ABCA1: variants seen among roughly 807,000 people sequenced by gnomAD.
ABCA1 encodes the protein phospholipid-transporting ATPase ABCA1.
A neutral mutation model predicts 262.5 loss-of-function variants in ABCA1; 133 were observed. The observed-to-expected ratio is 0.51, with a 90% CI of 0.44 to 0.59. ABCA1 has a LOEUF of 0.59. Among genes scored for constraint, ABCA1 ranks in the 20% least tolerant of loss-of-function variants. The pLI is 0.00. For synonymous variants in ABCA1, 1,022 were observed against 1,043.5 expected, an observed-to-expected ratio of 0.98 and a Z score of 0.40; for missense variants, 2,452 against 2,777.5, an observed-to-expected ratio of 0.88 and a Z score of 2.63.
rs967226921 is a variant in ABCA1 at position 104,829,214 on chromosome 9, C to A, written c.1893-76G>T. ...AGGGTGATGGGCCAAGGCCTCTGAG[C>A]CTGCATGCTAGAGGGAGCACCACAT... is the stretch of plus-strand genomic sequence containing the variant. On this transcript the variant is annotated intron_variant, in intron 14 of 49. Coordinates refer to ENST00000374736, the MANE Select transcript of ABCA1 (RefSeq NM_005502.4). 4 of 1,461,486 alleles carry A rather than the reference C, an allele frequency of 2.7e-6. No individual in the cohort carries two copies. In the African/African-American group the frequency reaches 4.2e-5, roughly 15 times the overall value. 90.5% of individuals were successfully genotyped at this position (1,461,486 alleles called of 1,614,324 possible).
chr9:104,862,547 TCTC>T (rs1836515370), intron 5 of ABCA1, among the ~76,000 whole-genome samples: 1 of 151,752 alleles, frequency 6.6e-6, no homozygotes, highest in South Asian at 2.1e-4. Flanking sequence ...CAGAGACTAA[TCTC>T]CTGTTTAATG....
intron 37 of ABCA1, among the ~76,000 whole-genome samples, chr9:104,797,007 T>A (rs1365911491): frequency 1.3e-5 from 2 of 152,228 alleles, no homozygotes; most frequent in East Asian, 3.8e-4. Flanking sequence ...GAAGTGATAG[T>A]GGGGCTTGTC....
At chr9:104,874,471 A>G (rs1252201200) in intron 5 of ABCA1, among the ~76,000 whole-genome samples, 1 of 152,076 alleles carries the variant, frequency 6.6e-6, no homozygotes, top group Non-Finnish European at 1.5e-5. Context: ...AGGCTGAGGC[A>G]GGAAGAATTG....
chr9:104,918,347 A>G (rs1841958652), intron 1 of ABCA1, among the ~76,000 whole-genome samples: 1 of 152,214 alleles, frequency 6.6e-6, no homozygotes, highest in Admixed American at 6.5e-5. Context: ...CAGTCTGGTG[A>G]GAAAACCAGC....
intron 2 of ABCA1, among the ~76,000 whole-genome samples, chr9:104,900,955 CT>C (rs1274890827): frequency 6.6e-6 from 1 of 152,216 alleles, no homozygotes; most frequent in Non-Finnish European, 1.5e-5. Context: ...CCACTTCCTT[CT>C]TTAAAAAGAA....
intron 14 of ABCA1, 143 bp from the exon 15 acceptor site, chr9:104,829,281 C>G (rs933446637): frequency 2.5e-6 from 2 of 786,582 alleles, no homozygotes; most frequent in Non-Finnish European, 4.2e-6. Context: ...CTGAAATGTA[C>G]GTATGATCCA....
chr9:104,914,213 C>G (rs1318272718), intron 1 of ABCA1, among the ~76,000 whole-genome samples: 1 of 151,784 alleles, frequency 6.6e-6, no homozygotes, highest in Non-Finnish European at 1.5e-5. Context: ...CGCAGTGGCT[C>G]ATGCCTGTAA....
chr9:104,794,327 C>T (rs1829682588), intron 40 of ABCA1, 60 bp downstream of exon 40: 1 of 1,612,312 alleles, frequency 6.2e-7, no homozygotes, highest in Non-Finnish European at 8.5e-7. Context: ...GTTCAGGGTA[C>T]CAAGGCCTAT....
intron 44 of ABCA1, among the ~76,000 whole-genome samples, chr9:104,789,866 G>C (rs1829262401): frequency 6.6e-6 from 1 of 152,192 alleles, no homozygotes; most frequent in African/African-American, 2.4e-5. Context: ...GGCTGAGGCA[G>C]GTGGATCACC....
rs1252516293 is a variant in ABCA1 at position 104,784,344 on chromosome 9, C to T, written c.6757G>A (p.Asp2253Asn). ...DVAVLTSFLQ[D>N]EKVKESYV The stretch of plus-strand genomic sequence containing the variant: ...ACATAGCTTTCTTTCACTTTCTCAT[C>T]CTGTAGAAAAGATGTGAGAACTGCA... The change falls in exon 50 of 50, where the codon GAT (aspartate) becomes AAT (asparagine). Residue 2253 changes from aspartate (D) to asparagine (N), a missense_variant. Around this residue, in one of 4 missense-constraint regions of ABCA1, gnomAD observed 752 missense variants for 944.5 expected, o/e 0.80. Transcript: ENST00000374736. The T allele has an allele frequency of 6.2e-7, 1 of 1,614,082 alleles. No homozygotes were observed. The highest frequency in any genetic ancestry group is 1.7e-5 in the Admixed American group (1 of 60,022).
At position 104,832,382 on chromosome 9, in the gene ABCA1, T is replaced by A. The variant is rs143565976; in HGVS notation, c.1509+192A>T. On this transcript the variant is annotated intron_variant, in intron 12 of 49. Coordinates refer to ENST00000374736, the MANE Select transcript of ABCA1 (RefSeq NM_005502.4). The stretch of plus-strand genomic sequence containing the variant: ...TAATTTACTAAAGCTAGAGTTTATT[T>A]ACTCATTCAACCACTCAACTAACAT... Among the ~76,000 whole-genome samples, 169 of 152,348 alleles carry A rather than the reference T, an allele frequency of 1.1e-3. 2 individuals are homozygous for A. The East Asian group carries it at 0.031, about 28-fold the overall frequency.
intron 2 of ABCA1, among the ~76,000 whole-genome samples, chr9:104,897,937 A>G (rs1429721307): frequency 6.6e-6 from 1 of 152,202 alleles, no homozygotes; most frequent in Non-Finnish European, 1.5e-5. Flanking sequence ...TCATCTGTGA[A>G]ACAGAAATTG....
rs1428112110 is a variant in ABCA1 at position 104,814,486 on chromosome 9, A to C, written c.3739-11T>G. 6.2e-7 allele frequency: 1 copy of C among 1,613,738 alleles called. No homozygotes were observed. The highest frequency in any genetic ancestry group is 1.3e-5 in the African/African-American group (1 of 74,924). On this transcript the variant is annotated splice_polypyrimidine_tract_variant and intron_variant, in intron 25 of 49. Coordinates refer to ENST00000374736, the MANE Select transcript of ABCA1 (RefSeq NM_005502.4). ...CACCTTGAGGAATATCTGGAAAATG[A>C]GAGAGATGAGAACATTATAAGCACC... is the stretch of plus-strand genomic sequence containing the variant.
chr9:104,868,097 A>G (rs2119129644), intron 5 of ABCA1, among the ~76,000 whole-genome samples: 1 of 152,276 alleles, frequency 6.6e-6, no homozygotes, highest in Non-Finnish European at 1.5e-5. Flanking sequence ...TGGATATAAA[A>G]TGGGGCTAAT....
intron 49 of ABCA1, 101 bp from the exon 50 acceptor site, chr9:104,784,556 G>C: frequency 7.2e-7 from 1 of 1,393,916 alleles, no homozygotes; most frequent in Non-Finnish European, 1.0e-6. Flanking sequence ...TCAAGTAGGA[G>C]CATACAGAAT....
intron 2 of ABCA1, among the ~76,000 whole-genome samples, chr9:104,891,966 T>TAAA (rs570923490): frequency 2.5e-4 from 15 of 59,228 alleles, no homozygotes; most frequent in African/African-American, 8.1e-4. Flanking sequence ...CTCTGTCTCT[T>TAAA]AAAAAAAAAA....
In ABCA1 at chr9:104,896,711, C is replaced by CTTTT. The variant is rs56710442; in HGVS notation, c.66+6899_66+6902dup. On this transcript the variant is annotated intron_variant, in intron 2 of 49. Transcript: ENST00000374736. ...AACTCCAAAATTGCTCCCTACACAT[C>CTTTT]TTTTTTTTTTTTTTTTTTTTTTTTT... 1.5e-3 allele frequency among the ~76,000 whole-genome samples: 56 copies of CTTTT among 37,006 alleles called. 18 individuals are homozygous for CTTTT. Among genetic ancestry groups the CTTTT allele is most frequent in the South Asian group, 3.8e-3 (3 of 782 alleles). The allele number at this position is 37,006 out of a possible 152,430, so 24.3% of individuals were successfully genotyped here. A position where few individuals can be genotyped will look rare whatever the true frequency, so the allele number is the denominator to read the frequency against.
Position 104,834,975 on chromosome 9 carries a change from G to A in ABCA1, c.1311+2005C>T, listed in dbSNP as rs145261619. 9.8e-3 allele frequency among the ~76,000 whole-genome samples: 1,484 copies of A among 152,184 alleles called. 11 individuals carry two copies. Among genetic ancestry groups the A allele is most frequent in the Middle Eastern group, 0.024 (7 of 294 alleles). On this transcript the variant is annotated intron_variant, in intron 11 of 49. Transcript: ENST00000374736. ...TTAAGAGAGGGAAGAAAGGCCGGGC[G>A]CGGTGGCTCATGCCTGTAATCCCAA... is the stretch of plus-strand genomic sequence containing the variant.
At chr9:104,879,436 A>G (rs1157766542) in intron 5 of ABCA1, among the ~76,000 whole-genome samples, 1 of 152,236 alleles carries the variant, frequency 6.6e-6, no homozygotes, top group Non-Finnish European at 1.5e-5. Context: ...GTTATCGATG[A>G]CTGGAATGAG....
Sources: allele counts gnomAD v4.1 joint callset (sites outside exome capture counted in the v4.1 genomes callset), GRCh38; gene constraint gnomAD v4.1.1; regional missense constraint gnomAD v4.1.1; transcripts MANE v1.5; gene names NCBI Gene and HGNC (gene_info 2026-07-23, HGNC 2026-07-21).